MOV10L1: variants seen among roughly 807,000 people sequenced by gnomAD.
The protein encoded by MOV10L1 is RNA helicase Mov10l1.
Under a neutral mutation model 143.8 loss-of-function variants are expected in MOV10L1, and 110 were observed. That is an observed-to-expected ratio of 0.76 (90% CI 0.66 to 0.90). MOV10L1 has a LOEUF of 0.90. Ranked by LOEUF, MOV10L1 falls within the 40% of genes least tolerant of loss-of-function variation. The pLI is 0.00. For synonymous variants in MOV10L1, 593 were observed against 581.1 expected, an observed-to-expected ratio of 1.02 and a Z score of -0.29; for missense variants, 1,406 against 1,526.8, an observed-to-expected ratio of 0.92 and a Z score of 1.32.
At chr22:50,145,038 G>A (rs959647926) in intron 18 of MOV10L1, among the ~76,000 whole-genome samples, 1 of 152,094 alleles carries the variant, frequency 6.6e-6, no homozygotes, top group African/African-American at 2.4e-5. Flanking sequence ...CGCCTCCCGG[G>A]TTCAAGCAAT....
At chr22:50,093,438 A>T (rs1018986253) in intron 2 of MOV10L1, 5 of 152,190 alleles carry the variant, frequency 3.3e-5, no homozygotes, top group Admixed American at 6.5e-5. Context: ...AAGAAGCCTT[A>T]GGGAGGCTTA....
At chr22:50,157,743 A>G (rs1450779375) in intron 22 of MOV10L1, among the ~76,000 whole-genome samples, 1 of 146,468 alleles carries the variant, frequency 6.8e-6, no homozygotes, top group Non-Finnish European at 1.5e-5. Flanking sequence ...AGAAGTAGCT[A>G]TATCAAAGGT....
chr22:50,119,056 G>C (rs935617128), intron 9 of MOV10L1, among the ~76,000 whole-genome samples: 1 of 152,146 alleles, frequency 6.6e-6, no homozygotes, highest in African/African-American at 2.4e-5. Flanking sequence ...CAGGAGCCTT[G>C]GAGGATCCCT....
In MOV10L1 at chr22:50,158,227, C is replaced by G. The variant is rs773446136; in HGVS notation, c.3216+21C>G. On this transcript the variant is annotated intron_variant, in intron 23 of 26. Coordinates refer to ENST00000262794, the MANE Select transcript of MOV10L1 (RefSeq NM_018995.3). The surrounding 1 kb of genome is among the most constrained non-coding windows in gnomAD (Gnocchi z 5.0). The stretch of plus-strand genomic sequence containing the variant: ...AGCAGGTACGCCCTGCCCAGGCACG[C>G]CTGGTTCTGTGAGGTCCCTGCAGCC... 6.2e-7 allele frequency: 1 copy of G among 1,613,734 alleles called. No homozygotes were observed. Among genetic ancestry groups the G allele is most frequent in the East Asian group, 2.2e-5 (1 of 44,874 alleles).
chr22:50,157,279 CGCAGACTAT>C, intron 22 of MOV10L1, among the ~76,000 whole-genome samples: 1 of 152,270 alleles, frequency 6.6e-6, no homozygotes, highest in African/African-American at 2.4e-5. Context: ...CTCCCCCCTC[CGCAGACTAT>C]CTTTTCACGT....
At chr22:50,148,326 C>G (rs533650987) in intron 19 of MOV10L1, among the ~76,000 whole-genome samples, 4 of 152,362 alleles carry the variant, frequency 2.6e-5, no homozygotes, top group African/African-American at 9.6e-5. Context: ...GCACCTGTTC[C>G]TCAGCTCATG....
In MOV10L1 at chr22:50,124,766, G is replaced by A. The variant is rs6010178; in HGVS notation, c.1570-626G>A. Among the ~76,000 whole-genome samples the A allele has an allele frequency of 1.0e-3, 153 of 152,192 alleles. 1 individual carries two copies. The highest frequency in any genetic ancestry group is 3.4e-3 in the African/African-American group (142 of 41,502). ...CTCTGTGCTGCTTGCTCTTCCCAGC[G>A]CTCAGCCCCACAGATCAGAGCTCCT... On this transcript the variant is annotated intron_variant, in intron 10 of 26. Coordinates refer to ENST00000262794, the MANE Select transcript of MOV10L1 (RefSeq NM_018995.3).
chr22:50,143,803 T>C (rs184262093), intron 17 of MOV10L1, among the ~76,000 whole-genome samples: 132 of 152,322 alleles, frequency 8.7e-4, no homozygotes, highest in African/African-American at 3.1e-3. Flanking sequence ...AAACAGGTAT[T>C]GAGCGCACAA....
At chr22:50,096,887 A>G (rs4838824) in intron 2 of MOV10L1, among the ~76,000 whole-genome samples, 34,123 of 152,080 alleles carry the variant, frequency 0.22, 4,189 homozygotes, top group Admixed American at 0.35. Context: ...CATCACATAC[A>G]TGATTTGCAA....
chr22:50,142,251 A>C, intron 16 of MOV10L1, 62 bp downstream of exon 16: 1 of 1,398,096 alleles, frequency 7.2e-7, no homozygotes. Context: ...GAAAACGGGG[A>C]CTTTGAGGAG....
chr22:50,100,706 C>T (rs577321703), intron 3 of MOV10L1, among the ~76,000 whole-genome samples: 1 of 152,024 alleles, frequency 6.6e-6, no homozygotes, highest in Non-Finnish European at 1.5e-5. Flanking sequence ...AGGGTTTCAC[C>T]ATGTTGGCCA....
chr22:50,130,602 C>G (rs1210598366), intron 13 of MOV10L1, among the ~76,000 whole-genome samples: 1 of 152,026 alleles, frequency 6.6e-6, no homozygotes, highest in African/African-American at 2.4e-5. Context: ...GTTTGCTGTG[C>G]AAGATGAGAG....
chr22:50,094,807 T>C (rs1208064583), intron 2 of MOV10L1: 2 of 152,222 alleles, frequency 1.3e-5, no homozygotes, highest in African/African-American at 2.4e-5. Context: ...CATCTAATGC[T>C]TAGTATCATC....
intron 11 of MOV10L1, 77 bp from the exon 12 acceptor site, chr22:50,126,125 T>C: frequency 2.0e-6 from 2 of 978,758 alleles, no homozygotes; most frequent in East Asian, 2.6e-5. Context: ...ACCTCCTCAG[T>C]GTTGGATTTT....
At position 50,120,622 on chromosome 22, in the gene MOV10L1, A is replaced by AAGTG; in HGVS notation, c.1569+7_1569+10dup. 1 of 1,588,522 alleles carries AAGTG rather than the reference A, an allele frequency of 6.3e-7. No individual in the cohort carries two copies. The highest frequency in any genetic ancestry group is 2.2e-5 in the East Asian group (1 of 44,732). ...TCCAGCCATTACTTGCAGAGGTAGG[A>AAGTG]AGTGTCTCATGGCCTGTGGGGTGTT... is the stretch of plus-strand genomic sequence containing the variant. On this transcript the variant is annotated splice_region_variant and intron_variant, in intron 10 of 26. Transcript: ENST00000262794.
Position 50,150,651 on chromosome 22 carries a change from C to T in MOV10L1, c.2728-84C>T, listed in dbSNP as rs961991433. The T allele has an allele frequency of 2.8e-5, 41 of 1,452,742 alleles. 1 individual carries two copies. The East Asian group carries it at 3.4e-4, about 12-fold the overall frequency. The allele number at this position is 1,452,742 out of a possible 1,614,324, so 90.0% of individuals were successfully genotyped here. The stretch of plus-strand genomic sequence containing the variant: ...CAAGAGTGAGCATGGGGCCATCCTG[C>T]GCACAGCCCCATTCCCACCTGAGCC... On this transcript the variant is annotated intron_variant, in intron 20 of 26. Transcript: ENST00000262794.
At chr22:50,096,033 G>A (rs2062579214) in intron 2 of MOV10L1, 1 of 152,104 alleles carries the variant, frequency 6.6e-6, no homozygotes, top group African/African-American at 2.4e-5. Context: ...TTTTTATTTA[G>A]ATATTTTTCT....
Position 50,115,262 on chromosome 22 carries a change from T to C in MOV10L1, c.1259+16T>C. The C allele has an allele frequency of 6.7e-7, 1 of 1,489,738 alleles. No individual in the cohort carries two copies. Among genetic ancestry groups the C allele is most frequent in the Non-Finnish European group, 8.9e-7 (1 of 1,127,462 alleles). 92.3% of individuals were successfully genotyped at this position (1,489,738 alleles called of 1,614,324 possible). ...GTGACGGAAAGTAAGGGCCTGGAGG[T>C]CTGGGGAGAGCCGCGTTTTTAAGTT... On this transcript the variant is annotated intron_variant, in intron 8 of 26. Transcript: ENST00000262794.
intron 5 of MOV10L1, chr22:50,109,628 G>A (rs1015168653): frequency 8.9e-4 from 135 of 150,972 alleles, no homozygotes; most frequent in African/African-American, 3.1e-3. Context: ...CCGAGATCGC[G>A]CCACTGCACT....
Sources: allele counts gnomAD v4.1 joint callset (sites outside exome capture counted in the v4.1 genomes callset), GRCh38; gene constraint gnomAD v4.1.1; non-coding constraint Gnocchi (gnomAD v3.1); transcripts MANE v1.5; gene names NCBI Gene and HGNC (gene_info 2026-07-23, HGNC 2026-07-21).